Variants in NKAIN2 observed in about 807,000 individuals in gnomAD.
NKAIN2 encodes the protein sodium/potassium-transporting ATPase subunit beta-1-interacting protein 2.
In NKAIN2, 14 loss-of-function variants were observed where a neutral mutation model predicts 32.6. The ratio of observed to expected loss-of-function variants is 0.43; its 90% confidence interval spans 0.28 to 0.67. The LOEUF (loss-of-function observed/expected upper bound fraction) is 0.67, where lower values mean the gene tolerates loss of function less well. Among genes scored for constraint, NKAIN2 ranks in the 30% least tolerant of loss-of-function variants. NKAIN2 has a pLI of 0.17. For synonymous variants in NKAIN2, 80 were observed against 87.2 expected (o/e 0.92, Z 0.46); for missense variants, 198 against 258.3 (o/e 0.77, Z 1.60).
At chr6:123,936,250 A>G (rs1462378937) in intron 1 of NKAIN2, among the ~76,000 whole-genome samples, 2 of 152,196 alleles carry the variant, frequency 1.3e-5, no homozygotes, top group African/African-American at 2.4e-5. Flanking sequence ...AACATGCATT[A>G]TAGGAAAAGA....
At position 124,101,724 on chromosome 6, in the gene NKAIN2, A is replaced by G. The variant is rs539103611; in HGVS notation, c.55-181281A>G. Among the ~76,000 whole-genome samples the G allele has an allele frequency of 3.3e-5, 5 of 152,232 alleles. No individual in the cohort carries two copies. In the South Asian group the frequency reaches 1.0e-3, roughly 32 times the overall value. On this transcript the variant is annotated intron_variant, in intron 1 of 6. Coordinates refer to ENST00000368417, the MANE Select transcript of NKAIN2 (RefSeq NM_001040214.3). ...AAACTAAGGTGTAATTCAGTATTTCAGGACAATAACTTCCTGAGGGATGCC... is the reference window on the plus strand; with the variant it reads ...AAACTAAGGTGTAATTCAGTATTTCGGGACAATAACTTCCTGAGGGATGCC...
At chr6:123,939,081 T>G (rs1301077000) in intron 1 of NKAIN2, among the ~76,000 whole-genome samples, 1 of 151,864 alleles carries the variant, frequency 6.6e-6, no homozygotes, top group Non-Finnish European at 1.5e-5. Flanking sequence ...GAAGTATAAG[T>G]AAAAGGATCT....
At chr6:123,987,364 A>T (rs576206596) in intron 1 of NKAIN2, among the ~76,000 whole-genome samples, 1 of 152,010 alleles carries the variant, frequency 6.6e-6, no homozygotes, top group East Asian at 1.9e-4. Flanking sequence ...AGGTATTGAA[A>T]TTTTTCTAAT....
chr6:124,257,939 C>T (rs925177523), intron 1 of NKAIN2, among the ~76,000 whole-genome samples: 5 of 151,452 alleles, frequency 3.3e-5, no homozygotes, highest in Admixed American at 1.3e-4. Flanking sequence ...CCACCAGCCC[C>T]CGGGTAATTT....
At chr6:123,956,456 C>G (rs1275237271) in intron 1 of NKAIN2, among the ~76,000 whole-genome samples, 1 of 152,172 alleles carries the variant, frequency 6.6e-6, no homozygotes. Context: ...CGTGTGCACA[C>G]ATAGAGGAAT....
At chr6:123,830,628 T>A (rs1482172487) in intron 1 of NKAIN2, among the ~76,000 whole-genome samples, 1 of 152,246 alleles carries the variant, frequency 6.6e-6, no homozygotes, top group African/African-American at 2.4e-5. Flanking sequence ...CAGGTCAACT[T>A]CACCCACTGA....
intron 3 of NKAIN2, among the ~76,000 whole-genome samples, chr6:124,400,096 G>A (rs2875789): frequency 0.33 from 49,397 of 151,874 alleles, 8,978 homozygotes; most frequent in South Asian, 0.5. Flanking sequence ...GAACATTCGC[G>A]ACTTAATTAT....
rs182130367 is a variant in NKAIN2 at position 124,663,267 on chromosome 6, T to A, written c.474+4881T>A. On this transcript the variant is annotated intron_variant, in intron 4 of 6. Transcript: ENST00000368417. ...TGGTGAAACCCATCTCTACTAAAAA[T>A]ACACACACAAAAAAATAGCCAGGTG... Among the ~76,000 whole-genome samples, 198 of 151,896 alleles carry A rather than the reference T, an allele frequency of 1.3e-3. 2 individuals carry two copies. Among genetic ancestry groups the A allele is most frequent in the East Asian group, 9.6e-3 (49 of 5,128 alleles).
intron 4 of NKAIN2, among the ~76,000 whole-genome samples, chr6:124,691,593 A>T (rs989788207): frequency 4.6e-5 from 7 of 152,164 alleles, no homozygotes; most frequent in African/African-American, 1.7e-4. Flanking sequence ...AAATTAATTT[A>T]CAGCTTTACA....
intron 1 of NKAIN2, among the ~76,000 whole-genome samples, chr6:123,878,346 T>C (rs1227762528): frequency 1.3e-5 from 2 of 152,236 alleles, no homozygotes; most frequent in Non-Finnish European, 2.9e-5. Flanking sequence ...TCTTACTGAA[T>C]TAGTCATTTC....
intron 4 of NKAIN2, among the ~76,000 whole-genome samples, chr6:124,682,407 T>C (rs2114507782): frequency 6.6e-6 from 1 of 152,302 alleles, no homozygotes; most frequent in African/African-American, 2.4e-5. Flanking sequence ...ACATTCATAT[T>C]CTGTAGGAGG....
intron 1 of NKAIN2, among the ~76,000 whole-genome samples, chr6:123,945,321 A>T (rs922528643): frequency 1.3e-5 from 2 of 152,138 alleles, no homozygotes; most frequent in Non-Finnish European, 2.9e-5. Context: ...TAATATTCTT[A>T]TGAAGGATGT....
intron 3 of NKAIN2, among the ~76,000 whole-genome samples, chr6:124,509,596 C>T (rs1240736376): frequency 6.6e-6 from 1 of 152,190 alleles, no homozygotes; most frequent in African/African-American, 2.4e-5. Context: ...GACCATCTGC[C>T]ACTCACTCAG....
At chr6:124,515,705 C>G (rs978065010) in intron 3 of NKAIN2, among the ~76,000 whole-genome samples, 1 of 3,304 alleles carries the variant, frequency 3.0e-4, no homozygotes, top group Non-Finnish European at 0.026. Context: ...CATTTTTCTT[C>G]GCTTTCTCTC....
intron 5 of NKAIN2, among the ~76,000 whole-genome samples, chr6:124,813,728 T>A (rs1196023770): frequency 1.3e-5 from 2 of 152,188 alleles, no homozygotes; most frequent in African/African-American, 4.8e-5. Flanking sequence ...ATAAATGATA[T>A]CACTTGAAAG....
chr6:124,264,982 T>G (rs533459168), intron 1 of NKAIN2, among the ~76,000 whole-genome samples: 82 of 152,262 alleles, frequency 5.4e-4, no homozygotes, highest in African/African-American at 1.7e-3. Flanking sequence ...CTGCATAAAT[T>G]TCACCATTTA....
At chr6:123,980,713 T>C (rs2114663773) in intron 1 of NKAIN2, among the ~76,000 whole-genome samples, 3 of 152,274 alleles carry the variant, frequency 2.0e-5, no homozygotes, top group Admixed American at 2.0e-4. Flanking sequence ...TCAAGTCAGA[T>C]GTGTTTAATT....
intron 3 of NKAIN2, among the ~76,000 whole-genome samples, chr6:124,562,756 T>A (rs765442631): frequency 1.3e-5 from 2 of 152,200 alleles, no homozygotes; most frequent in Non-Finnish European, 1.5e-5. Flanking sequence ...GTCTCCTTAC[T>A]CTGATTTAAT....
intron 1 of NKAIN2, chr6:123,829,189 A>G (rs1009713738): frequency 2.6e-5 from 4 of 152,136 alleles, no homozygotes; most frequent in Non-Finnish European, 5.9e-5. Flanking sequence ...TTCTTATTCT[A>G]ACTCTACTTT....
Sources: allele counts gnomAD v4.1 joint callset (sites outside exome capture counted in the v4.1 genomes callset), GRCh38; gene constraint gnomAD v4.1.1; transcripts MANE v1.5; gene names NCBI Gene and HGNC (gene_info 2026-07-23, HGNC 2026-07-21).